CCNG1: variants seen among roughly 807,000 people sequenced by gnomAD.
CCNG1 encodes the protein cyclin G1, also known as cyclin-G1.
CCNG1 carries 13 observed loss-of-function variants against 30.0 expected under a neutral mutation model. The observed-to-expected ratio is 0.43, with a 90% CI of 0.28 to 0.69. The LOEUF is 0.69. CCNG1 is among the 30% of genes least tolerant of loss of function. CCNG1 has a pLI of 0.16. For synonymous variants in CCNG1, 110 were observed against 121.5 expected (o/e 0.91, Z 0.62); for missense variants, 285 against 331.4 (o/e 0.86, Z 1.09).
chr5:163,457,135 A>AT, the CCNG1 span: 2 of 1,446,856 alleles, frequency 1.4e-6, no homozygotes, highest in Non-Finnish European at 1.8e-6. Flanking sequence ...TTCTTCATCA[A>AT]GTTGTTTTTT....
chr5:163,457,038 CTCTT>C, the CCNG1 span: 18 of 1,613,194 alleles, frequency 1.1e-5, no homozygotes, highest in South Asian at 3.3e-5. Context: ...TGCTGCATCT[CTCTT>C]TGTCTTTGTA....
At chr5:163,454,002 T>C in the CCNG1 span, 14 of 1,562,474 alleles carry the variant, frequency 9.0e-6, no homozygotes, top group African/African-American at 1.4e-5. Context: ...GGTCCACCTT[T>C]AGTGTAGTTT....
Position 163,443,793 on chromosome 5 carries a change from A to C in CCNG1, c.*123A>C. On this transcript the variant is annotated 3_prime_UTR_variant, in exon 7 of 7. Coordinates refer to ENST00000340828, the MANE Select transcript of CCNG1 (RefSeq NM_004060.4). Reference sequence around the variant, plus strand: ...CTCAAAACATCACGAGATAAGCATGATGGTCTCAGACTTGGGAAAACTGCC... The same window carrying C: ...CTCAAAACATCACGAGATAAGCATGCTGGTCTCAGACTTGGGAAAACTGCC... The C allele has an allele frequency of 8.9e-7, 1 of 1,117,928 alleles. No individual in the cohort carries two copies. The highest frequency in any genetic ancestry group is 2.6e-5 in the East Asian group (1 of 38,626). 69.3% of individuals were successfully genotyped at this position (1,117,928 alleles called of 1,614,324 possible). A position where few individuals can be genotyped will look rare whatever the true frequency, so the allele number is the denominator to read the frequency against.
chr5:163,453,983 G>A, the CCNG1 span: 2 of 1,538,748 alleles, frequency 1.3e-6, no homozygotes, highest in Non-Finnish European at 1.8e-6. Context: ...CTCAAGGTTT[G>A]AGAAATCTGG....
At chr5:163,438,946 A>C (rs1282888846) in intron 1 of CCNG1, among the ~76,000 whole-genome samples, 1 of 151,816 alleles carries the variant, frequency 6.6e-6, no homozygotes, top group Non-Finnish European at 1.5e-5. Flanking sequence ...GAATCGCTTG[A>C]ACCAGGGAGT....
At chr5:163,455,913 C>T in the CCNG1 span, among the ~76,000 whole-genome samples, 7 of 151,926 alleles carry the variant, frequency 4.6e-5, no homozygotes, top group South Asian at 2.1e-4. Context: ...AAATATATTT[C>T]GAAGGTAGCA....
chr5:163,450,341 G>C (rs550598757), downstream of CCNG1: 14 of 152,202 alleles, frequency 9.2e-5, no homozygotes, highest in African/African-American at 3.4e-4. Flanking sequence ...TCCACCAATG[G>C]CATGATGGAT....
chr5:163,441,892 T>G lies in CCNG1; in HGVS notation c.525T>G (p.Asn175Lys), dbSNP rs1757831830. ...TACCATTTTCTTTTTAAAGGAGAAATAGCATTAATTTTGAAAGACTAGAAG... is the reference window on the plus strand; with the variant it reads ...TACCATTTTCTTTTTAAAGGAGAAAGAGCATTAATTTTGAAAGACTAGAAG... ...LQENLPLERRNSINFERLEAQ... is the reference protein window; with the variant it reads ...LQENLPLERRKSINFERLEAQ... The change falls in exon 4 of 7, where the codon AAT becomes AAG. Residue 175 changes from asparagine to lysine, a missense_variant. By Grantham distance (94) the Asn-to-Lys change is moderately conservative. Coordinates refer to ENST00000340828, the MANE Select transcript of CCNG1 (RefSeq NM_004060.4). 1 of 1,587,944 alleles carries G rather than the reference T, an allele frequency of 6.3e-7. No individual in the cohort carries two copies. The highest frequency in any genetic ancestry group is 1.3e-5 in the African/African-American group (1 of 74,352).
intron 6 of CCNG1, 83 bp downstream of exon 6, chr5:163,442,651 C>A: frequency 9.6e-7 from 1 of 1,044,750 alleles, no homozygotes; most frequent in Non-Finnish European, 1.4e-6. Flanking sequence ...TAATTATCTT[C>A]AAAATAAACA....
chr5:163,456,971 G>A, the CCNG1 span: 1 of 1,612,092 alleles, frequency 6.2e-7, no homozygotes, highest in Non-Finnish European at 8.5e-7. Flanking sequence ...TCTGCATTTG[G>A]TCTTGCACCC....
chr5:163,446,290 TG>T (rs1581173567), downstream of CCNG1: 1 of 152,212 alleles, frequency 6.6e-6, no homozygotes, highest in African/African-American at 2.4e-5. Flanking sequence ...TGGCTGGCAG[TG>T]ATAATTTTTA....
the CCNG1 span, among the ~76,000 whole-genome samples, chr5:163,455,119 C>A: frequency 6.8e-6 from 1 of 147,812 alleles, no homozygotes; most frequent in African/African-American, 2.5e-5. Flanking sequence ...CCGCTGATGT[C>A]GTGTTAAAAG....
Position 163,442,115 on chromosome 5 carries a change from G to A in CCNG1, c.668G>A (p.Gly223Glu), listed in dbSNP as rs191947608. 2 of 1,610,170 alleles carry A rather than the reference G, an allele frequency of 1.2e-6. No individual in the cohort carries two copies. Among genetic ancestry groups the A allele is most frequent in the South Asian group, 2.2e-5 (2 of 90,852 alleles). ...CAGAAGTGTGTAGAGTTAACAGAAG[G>A]AATAGAATGTCTTCAGAAACATTCC... ...QAQKCVELTEGIECLQKHSKI... is the reference protein window; with the variant it reads ...QAQKCVELTEEIECLQKHSKI... Residue 223 changes from glycine to glutamate, a missense_variant, in exon 5 of 7, where the codon GGA becomes GAA. By Grantham distance (98) the Gly-to-Glu change is moderately conservative. Coordinates refer to ENST00000340828, the MANE Select transcript of CCNG1 (RefSeq NM_004060.4).
At chr5:163,455,736 A>G in the CCNG1 span, among the ~76,000 whole-genome samples, 19 of 78,600 alleles carry the variant, frequency 2.4e-4, no homozygotes, top group East Asian at 9.7e-4. Flanking sequence ...TCCATCTCAG[A>G]AAAAAAAAAA....
downstream of CCNG1, chr5:163,450,495 A>T (rs558515785): frequency 6.6e-6 from 1 of 152,332 alleles, no homozygotes; most frequent in Admixed American, 6.5e-5. Flanking sequence ...TAAGACAACT[A>T]AAAAAATGGG....
At position 163,439,239 on chromosome 5, in the gene CCNG1, C is replaced by CT. The variant is rs763783986; in HGVS notation, c.1-11dup. 5 of 1,605,992 alleles carry CT rather than the reference C, an allele frequency of 3.1e-6. No homozygotes were observed. Among genetic ancestry groups the CT allele is most frequent in the Non-Finnish European group, 4.2e-6 (5 of 1,177,216 alleles). On this transcript the variant is annotated splice_polypyrimidine_tract_variant and intron_variant, in intron 1 of 6. Transcript: ENST00000340828. ...GACTACTCTTACACTCCTTGCTGGTCTTTTTTTCTATATATAGATGATAGA... is the reference window on the plus strand; with the variant it reads ...GACTACTCTTACACTCCTTGCTGGTCTTTTTTTTCTATATATAGATGATAGA...
the CCNG1 span, chr5:163,457,111 C>CAAAT: frequency 3.3e-6 from 5 of 1,534,316 alleles, no homozygotes; most frequent in Non-Finnish European, 4.4e-6. Context: ...CACACACGCA[C>CAAAT]AAATAAATTA....
At position 163,442,057 on chromosome 5, in the gene CCNG1, G is replaced by A. The variant is rs1757841917; in HGVS notation, c.610G>A (p.Ala204Thr). The A allele has an allele frequency of 6.2e-7, 1 of 1,611,050 alleles. No individual in the cohort carries two copies. Among genetic ancestry groups the A allele is most frequent in the Non-Finnish European group, 8.5e-7 (1 of 1,177,836 alleles). The change falls in exon 5 of 7, where the codon GCA becomes ACA. Residue 204 changes from alanine to threonine, a missense_variant. Transcript: ENST00000340828. ...IFSKAKPSVL[A>T]LSIIALEIQA... is the part of the protein sequence containing the mutation. ...TTATCTCTTTTAGCCTTCTGTGTTG[G>A]CATTGTCTATCATTGCATTAGAGAT...
rs751080292 is a variant in CCNG1 at position 163,443,885 on chromosome 5, T to C, written c.*215T>C. 5 of 538,922 alleles carry C rather than the reference T, an allele frequency of 9.3e-6. No homozygotes were observed. The highest frequency in any genetic ancestry group is 5.7e-5 in the South Asian group (2 of 34,878). 33.4% of individuals were successfully genotyped at this position (538,922 alleles called of 1,614,324 possible). ...ATCTGTGAAGCATTCAAATCAAAGC[T>C]AAAAGCCTAAATGTGAAATGCTAAT... On this transcript the variant is annotated 3_prime_UTR_variant, in exon 7 of 7. Transcript: ENST00000340828.
Sources: gnomAD v4.1 joint callset for allele counts (sites outside exome capture counted in the v4.1 genomes callset) on GRCh38, gnomAD v4.1.1 for gene constraint, MANE v1.5 for transcripts, NCBI Gene and HGNC (gene_info 2026-07-23, HGNC 2026-07-21) for gene names.